Variants in SNX18 observed in about 807,000 individuals in gnomAD.
SNX18 encodes the protein sorting nexin-18.
Under a neutral mutation model 48.7 loss-of-function variants are expected in SNX18, and 35 were observed. The observed-to-expected ratio is 0.72, with a 90% confidence interval of 0.55 to 0.95. The LOEUF (loss-of-function observed/expected upper bound fraction) is 0.95. SNX18 is among the 40% of genes least tolerant of loss of function. The probability of loss-of-function intolerance (pLI) is 0.00; values close to 1 mark genes in which losing one functional copy is unlikely to be tolerated. For synonymous variants in SNX18, 492 were observed against 384.7 expected, an observed-to-expected ratio of 1.28 and a Z score of -3.26; for missense variants, 824 against 871.0, an observed-to-expected ratio of 0.95 and a Z score of 0.68.
At chr5:54,601,645 G>C in the SNX18 span, among the ~76,000 whole-genome samples, 285 of 152,232 alleles carry the variant, frequency 1.9e-3, 1 homozygote, top group Non-Finnish European at 3.1e-3. Context: ...ACAGGAAAGT[G>C]GGGGGAGGAG....
intron 1 of SNX18, among the ~76,000 whole-genome samples, chr5:54,537,428 T>C (rs1045055615): frequency 1.3e-5 from 2 of 152,260 alleles, no homozygotes; most frequent in African/African-American, 4.8e-5. Context: ...TGCAGCTAAC[T>C]AATGAAGCAG....
At chr5:54,540,221 T>TC (rs67762974) in intron 1 of SNX18, among the ~76,000 whole-genome samples, 3 of 95,602 alleles carry the variant, frequency 3.1e-5, no homozygotes. Flanking sequence ...CTTTTTTTTT[T>TC]TCTTCTTTGA....
chr5:54,561,733 T>G, the SNX18 span, among the ~76,000 whole-genome samples: 1 of 152,200 alleles, frequency 6.6e-6, no homozygotes, highest in Non-Finnish European at 1.5e-5. Context: ...GACATATACA[T>G]TATGTGTACA....
chr5:54,585,837 A>G, the SNX18 span, among the ~76,000 whole-genome samples: 2 of 151,844 alleles, frequency 1.3e-5, no homozygotes, highest in Admixed American at 1.3e-4. Flanking sequence ...CCCCGTCTCT[A>G]CTAAAAATAC....
the SNX18 span, among the ~76,000 whole-genome samples, chr5:54,565,229 G>A: frequency 6.6e-6 from 1 of 152,194 alleles, no homozygotes; most frequent in Non-Finnish European, 1.5e-5. Flanking sequence ...ATTAGGACGT[G>A]GGAGCCCATT....
chr5:54,541,830 G>T (rs1298820527), intron 1 of SNX18, among the ~76,000 whole-genome samples: 1 of 152,110 alleles, frequency 6.6e-6, no homozygotes, highest in Non-Finnish European at 1.5e-5. Context: ...ACTGCTTTAC[G>T]TTTAAGGGTT....
chr5:54,563,359 T>A, the SNX18 span, among the ~76,000 whole-genome samples: 1 of 152,204 alleles, frequency 6.6e-6, no homozygotes. Context: ...GTGTACCATT[T>A]TTTATCTTTT....
At chr5:54,602,282 G>T in the SNX18 span, among the ~76,000 whole-genome samples, 3 of 152,192 alleles carry the variant, frequency 2.0e-5, no homozygotes, top group African/African-American at 7.2e-5. Flanking sequence ...GACAGCAGCT[G>T]GGTAGAGGCA....
the SNX18 span, among the ~76,000 whole-genome samples, chr5:54,552,483 G>A: frequency 1.8e-4 from 27 of 152,140 alleles, no homozygotes; most frequent in Non-Finnish European, 3.1e-4. Flanking sequence ...ACCAGACTTC[G>A]GACCAGCATA....
the SNX18 span, among the ~76,000 whole-genome samples, chr5:54,607,370 GCTTTCCCAGCTGT>G: frequency 6.6e-6 from 1 of 152,282 alleles, no homozygotes; most frequent in Admixed American, 6.5e-5. Flanking sequence ...TGTTTGGGAA[GCTTTCCCAGCTGT>G]CTCCAGAAAA....
At chr5:54,557,989 C>A in the SNX18 span, among the ~76,000 whole-genome samples, 4 of 152,158 alleles carry the variant, frequency 2.6e-5, no homozygotes, top group African/African-American at 9.7e-5. Context: ...CTGCCTTGGC[C>A]TCCCAAAGTG....
the SNX18 span, among the ~76,000 whole-genome samples, chr5:54,607,115 A>T: frequency 6.6e-6 from 1 of 152,066 alleles, no homozygotes; most frequent in Non-Finnish European, 1.5e-5. Flanking sequence ...GGGTAATAAT[A>T]ATGAGTCTGA....
the SNX18 span, among the ~76,000 whole-genome samples, chr5:54,627,927 C>G: frequency 6.6e-6 from 1 of 152,190 alleles, no homozygotes; most frequent in African/African-American, 2.4e-5. Context: ...TGTTCTTGAG[C>G]TCCTGGAGCC....
the SNX18 span, among the ~76,000 whole-genome samples, chr5:54,555,977 A>G: frequency 6.6e-6 from 1 of 152,106 alleles, no homozygotes; most frequent in Non-Finnish European, 1.5e-5. Context: ...CCTTGCTATA[A>G]TTTCCCTCCT....
At chr5:54,638,444 T>C in the SNX18 span, among the ~76,000 whole-genome samples, 460 of 152,378 alleles carry the variant, frequency 3.0e-3, 1 homozygote, top group African/African-American at 9.1e-3. Flanking sequence ...GATGTCACAC[T>C]ATGCCTCATC....
chr5:54,591,016 T>A, the SNX18 span, among the ~76,000 whole-genome samples: 42 of 151,890 alleles, frequency 2.8e-4, no homozygotes, highest in Non-Finnish European at 5.4e-4. Flanking sequence ...CCCCCTCACT[T>A]CTCCTTTTTT....
At chr5:54,566,875 A>G in the SNX18 span, among the ~76,000 whole-genome samples, 511 of 152,302 alleles carry the variant, frequency 3.4e-3, 5 homozygotes, top group African/African-American at 0.012. Context: ...GGTCTCACCA[A>G]CAGGACTGGA....
At chr5:54,641,920 G>A in the SNX18 span, among the ~76,000 whole-genome samples, 3 of 151,858 alleles carry the variant, frequency 2.0e-5, no homozygotes, top group Non-Finnish European at 4.4e-5. Context: ...CTTTCAAAAC[G>A]ATTGGTGGCT....
the SNX18 span, among the ~76,000 whole-genome samples, chr5:54,567,737 T>G: frequency 2.0e-5 from 3 of 152,164 alleles, no homozygotes; most frequent in Non-Finnish European, 4.4e-5. Flanking sequence ...GAAGTGGCCA[T>G]GGGATGTAAG....
Sources: gnomAD v4.1 joint callset for allele counts (sites outside exome capture counted in the v4.1 genomes callset) on GRCh38, gnomAD v4.1.1 for gene constraint, MANE v1.5 for transcripts, NCBI Gene and HGNC (gene_info 2026-07-23, HGNC 2026-07-21) for gene names.